Variants in SAMSN1 observed in about 807,000 individuals in gnomAD.
SAMSN1 encodes SAM domain-containing protein SAMSN-1.
A neutral mutation model predicts 42.0 loss-of-function variants in SAMSN1; 31 were observed. The ratio of observed to expected loss-of-function variants is 0.74; its 90% CI spans 0.55 to 1.00. The LOEUF (loss-of-function observed/expected upper bound fraction) is 1.00. Ranked by LOEUF, SAMSN1 falls within the 50% of genes least tolerant of loss-of-function variation. The pLI is 0.00. For synonymous variants in SAMSN1, 178 were observed against 151.9 expected, an observed-to-expected ratio of 1.17 and a Z score of -1.26; for missense variants, 464 against 439.4, an observed-to-expected ratio of 1.06 and a Z score of -0.50.
intron 2 of SAMSN1, among the ~76,000 whole-genome samples, chr21:14,572,583 T>C (rs1332267627): frequency 6.6e-6 from 1 of 152,216 alleles, no homozygotes; most frequent in African/African-American, 2.4e-5. Flanking sequence ...TCACTTAATC[T>C]TCATGCACCT....
At chr21:14,557,617 A>G (rs1980805751) in intron 2 of SAMSN1, among the ~76,000 whole-genome samples, 1 of 152,180 alleles carries the variant, frequency 6.6e-6, no homozygotes, top group Non-Finnish European at 1.5e-5. Context: ...GTTAAGGGAA[A>G]TTTCTACGGG....
At chr21:14,583,331 G>T in exon 1 of SAMSN1, 1 of 228,318 alleles carries the variant, frequency 4.4e-6, no homozygotes, top group Non-Finnish European at 8.6e-6. Context: ...AATTTGTTAT[G>T]CTTACATCAA....
intron 6 of SAMSN1, among the ~76,000 whole-genome samples, chr21:14,499,250 T>A (rs1987038227): frequency 1.3e-5 from 2 of 152,172 alleles, no homozygotes; most frequent in South Asian, 4.1e-4. Context: ...TTTGAATCAA[T>A]ATGTATTAGT....
At chr21:14,598,419 A>G (rs1375290843) in intron 6 of SAMSN1, 1 of 152,186 alleles carries the variant, frequency 6.6e-6, no homozygotes, top group East Asian at 1.9e-4. Context: ...CAAGAATGCA[A>G]AAATAAATGC....
Position 14,504,389 on chromosome 21 carries a change from T to C in SAMSN1, c.562-3654A>G, listed in dbSNP as rs574817194. On this transcript the variant is annotated intron_variant, in intron 5 of 7. Coordinates refer to ENST00000400566, the MANE Select transcript of SAMSN1 (RefSeq NM_022136.5). ...ACGTGAAGGGAGAAATATTCAAGGA[T>C]AGATAGCATAAATAAAAAACAATCA... 7.2e-5 allele frequency among the ~76,000 whole-genome samples: 11 copies of C among 152,206 alleles called. No individual in the cohort carries two copies. The East Asian group carries it at 2.1e-3, about 29-fold the overall frequency.
chr21:14,645,605 C>A (rs972090296), intron 1 of SAMSN1, among the ~76,000 whole-genome samples: 4 of 152,210 alleles, frequency 2.6e-5, no homozygotes, highest in African/African-American at 7.2e-5. Flanking sequence ...TGCCCACACA[C>A]CGAAGAACAT....
At chr21:14,646,302 C>A (rs1983711821) in intron 1 of SAMSN1, among the ~76,000 whole-genome samples, 1 of 152,144 alleles carries the variant, frequency 6.6e-6, no homozygotes, top group African/African-American at 2.4e-5. Flanking sequence ...CAATTGAGCG[C>A]CTATATGTCC....
chr21:14,521,728 C>T (rs1181075789), intron 1 of SAMSN1, among the ~76,000 whole-genome samples: 2 of 151,920 alleles, frequency 1.3e-5, no homozygotes, highest in Non-Finnish European at 2.9e-5. Context: ...GGCAGGGAGA[C>T]GGAGAGCATC....
At chr21:14,641,244 G>T (rs911114212) in intron 2 of SAMSN1, among the ~76,000 whole-genome samples, 2 of 152,132 alleles carry the variant, frequency 1.3e-5, no homozygotes, top group African/African-American at 4.8e-5. Flanking sequence ...TAAGGGAAGA[G>T]TTTCCACTGC....
intron 1 of SAMSN1, among the ~76,000 whole-genome samples, chr21:14,645,777 A>G (rs1367682496): frequency 6.6e-6 from 1 of 152,250 alleles, no homozygotes; most frequent in Non-Finnish European, 1.5e-5. Context: ...CGGATAAGGA[A>G]TTCAGAATTC....
intron 7 of SAMSN1, among the ~76,000 whole-genome samples, chr21:14,588,640 C>G (rs1471916900): frequency 6.6e-6 from 1 of 152,214 alleles, no homozygotes; most frequent in Admixed American, 6.5e-5. Flanking sequence ...ATCCCATCTT[C>G]TTCAACTCAG....
intron 1 of SAMSN1, among the ~76,000 whole-genome samples, chr21:14,648,501 A>T (rs1983764239): frequency 6.6e-6 from 1 of 152,242 alleles, no homozygotes; most frequent in Non-Finnish European, 1.5e-5. Context: ...AATGGGAGAA[A>T]ATTTTCACAA....
chr21:14,633,452 A>G (rs1983383111), intron 2 of SAMSN1, among the ~76,000 whole-genome samples: 1 of 152,230 alleles, frequency 6.6e-6, no homozygotes, highest in Admixed American at 6.5e-5. Context: ...TAGTTTATAG[A>G]GGTAAAAACT....
chr21:14,619,681 CAA>C (rs1426368269), intron 2 of SAMSN1: 1 of 321,082 alleles, frequency 3.1e-6, no homozygotes, highest in African/African-American at 2.2e-5. Context: ...ATTCCTATAA[CAA>C]AAGAGAGATT....
intron 2 of SAMSN1, among the ~76,000 whole-genome samples, chr21:14,580,486 A>G (rs562942586): frequency 6.6e-6 from 1 of 152,348 alleles, no homozygotes; most frequent in Non-Finnish European, 1.5e-5. Flanking sequence ...CATCAGAAGC[A>G]CGTCCTAATT....
chr21:14,613,110 A>G (rs1023880399), intron 3 of SAMSN1, among the ~76,000 whole-genome samples: 5 of 152,168 alleles, frequency 3.3e-5, no homozygotes, highest in African/African-American at 1.2e-4. Context: ...GGGTCTGTAA[A>G]TTTCTATGCA....
At chr21:14,573,811 C>T (rs1233898521) in intron 2 of SAMSN1, among the ~76,000 whole-genome samples, 1 of 152,036 alleles carries the variant, frequency 6.6e-6, no homozygotes, top group Non-Finnish European at 1.5e-5. Context: ...CAATTTGATC[C>T]AAAGAGATCC....
chr21:14,594,454 T>A (rs1022229873), intron 6 of SAMSN1, among the ~76,000 whole-genome samples: 2 of 152,158 alleles, frequency 1.3e-5, no homozygotes, highest in Non-Finnish European at 2.9e-5. Context: ...CCGAATGTTT[T>A]ATGAAGCAGC....
intron 2 of SAMSN1, among the ~76,000 whole-genome samples, chr21:14,577,612 G>A (rs3930263): frequency 6.6e-6 from 1 of 151,606 alleles, no homozygotes; most frequent in African/African-American, 2.4e-5. Context: ...GTTAAGATGT[G>A]CCATGCTCTT....
Sources: allele counts gnomAD v4.1 joint callset (sites outside exome capture counted in the v4.1 genomes callset), GRCh38; gene constraint gnomAD v4.1.1; transcripts MANE v1.5; gene names NCBI Gene and HGNC (gene_info 2026-07-23, HGNC 2026-07-21).